Variants in TOP3B observed in about 807,000 individuals in gnomAD.
The protein encoded by TOP3B is DNA topoisomerase III beta.
A neutral mutation model predicts 93.9 loss-of-function variants in TOP3B; 45 were observed. The observed-to-expected ratio is 0.48, with a 90% CI of 0.38 to 0.61. The LOEUF is 0.61. Among genes scored for constraint, TOP3B ranks in the 20% least tolerant of loss-of-function variants. TOP3B has a pLI of 0.00. For missense variants in TOP3B, 750 were observed against 1,156.1 expected (o/e 0.65, Z 5.09); for synonymous variants, 357 against 472.6 (o/e 0.76, Z 3.17).
At chr22:21,981,597 G>A (rs970880980) in intron 1 of TOP3B, among the ~76,000 whole-genome samples, 2 of 152,172 alleles carry the variant, frequency 1.3e-5, no homozygotes, top group African/African-American at 4.8e-5. Flanking sequence ...AGCAGTTCAA[G>A]ACCAGCCTGG....
At chr22:21,972,758 A>G (rs756217734) in intron 3 of TOP3B, 40 bp from the exon 4 acceptor site, 37 of 1,520,790 alleles carry the variant, frequency 2.4e-5, no homozygotes, top group Non-Finnish European at 3.3e-5. Flanking sequence ...ACAGGAGCTC[A>G]GCCTCCGAGA....
chr22:21,977,669 T>C (rs2266980), intron 1 of TOP3B: 18,414 of 151,944 alleles, frequency 0.12, 1,215 homozygotes, highest in African/African-American at 0.14. Context: ...AGACTCAAAG[T>C]CGTTGCACAC....
Position 21,963,821 on chromosome 22 carries a change from G to T in TOP3B, c.1204+102C>A. 8.0e-7 allele frequency: 1 copy of T among 1,242,688 alleles called. No individual in the cohort carries two copies. 77.0% of individuals were successfully genotyped at this position (1,242,688 alleles called of 1,614,324 possible). A position where few individuals can be genotyped will look rare whatever the true frequency, so the allele number is the denominator to read the frequency against. ...ATCCCCACAGCCAGGGCAGGCAGAG[G>T]CTGAAGGAGCCCCCACATTGCCAAC... On this transcript the variant is annotated intron_variant, in intron 11 of 17. Coordinates refer to ENST00000357179, the MANE Select transcript of TOP3B (RefSeq NM_001282112.2). The surrounding 1 kb of genome is among the most constrained non-coding windows in gnomAD (Gnocchi z 4.8).
chr22:21,964,326 CAGG>C lies in TOP3B; in HGVS notation c.944-14_944-12del, dbSNP rs759580163. 2.5e-6 allele frequency: 4 copies of C among 1,612,858 alleles called. No homozygotes were observed. Among genetic ancestry groups the C allele is most frequent in the Admixed American group, 3.3e-5 (2 of 60,020 alleles). On this transcript the variant is annotated splice_polypyrimidine_tract_variant and intron_variant, in intron 9 of 17. Transcript: ENST00000357179. ...GCTGCGGCCCCATGCCTGCGAGAGA[CAGG>C]AGGTTCTCAGAGGGCCAGGTACGTG...
chr22:21,962,918 T>G (rs1407040526), intron 11 of TOP3B, 25 bp from the exon 12 acceptor site: 12 of 1,605,258 alleles, frequency 7.5e-6, no homozygotes, highest in Non-Finnish European at 9.4e-6. Flanking sequence ...GGCTAGTCAG[T>G]TGGGAGCCAG....
intron 8 of TOP3B, 33 bp from the exon 9 acceptor site, chr22:21,965,408 G>A: frequency 6.8e-7 from 1 of 1,463,160 alleles, no homozygotes; most frequent in South Asian, 1.2e-5. Flanking sequence ...ATTTGGGGAA[G>A]GAGGAAGACA....
chr22:21,960,264 T>A lies in TOP3B; in HGVS notation c.1654+57A>T. 3.1e-6 allele frequency: 5 copies of A among 1,610,158 alleles called. No homozygotes were observed. In the South Asian group the frequency reaches 4.4e-5, roughly 14 times the overall value. On this transcript the variant is annotated intron_variant, in intron 14 of 17. Transcript: ENST00000357179. ...TCTGGAGCGGGCAGCAGAGCCAACA[T>A]CCAGGGAGAAGCCAGGGAGCCTCGG... is the stretch of plus-strand genomic sequence containing the variant.
At position 21,965,275 on chromosome 22, in the gene TOP3B, C is replaced by A; in HGVS notation, c.943+10G>T. ...CCTTCTGGTGACTTGAGAGAAATGT[C>A]CCTACATACCCAGAGAAGAGCTGGC... On this transcript the variant is annotated intron_variant, in intron 9 of 17. Transcript: ENST00000357179. 1 of 1,575,482 alleles carries A rather than the reference C, an allele frequency of 6.3e-7. No individual in the cohort carries two copies. The highest frequency in any genetic ancestry group is 8.6e-7 in the Non-Finnish European group (1 of 1,158,812).
Position 21,970,543 on chromosome 22 carries a change from T to C in TOP3B, c.385-137A>G. On this transcript the variant is annotated intron_variant, in intron 5 of 17. Transcript: ENST00000357179. The surrounding 1 kb of genome is among the most constrained non-coding windows in gnomAD (Gnocchi z 4.4). ...CTCTCCTGCCCCTGCCAGACCCTCC[T>C]CTATCCCCTTTCCTGCACCTGCCAG... 1.1e-6 allele frequency: 1 copy of C among 889,164 alleles called. No homozygotes were observed. Among genetic ancestry groups the C allele is most frequent in the Non-Finnish European group, 1.7e-6 (1 of 591,366 alleles). The allele number at this position is 889,164 out of a possible 1,614,324, so 55.1% of individuals were successfully genotyped here.
Position 21,970,965 on chromosome 22 carries a change from G to A in TOP3B, c.385-559C>T, listed in dbSNP as rs2071613373. The stretch of plus-strand genomic sequence containing the variant: ...CGGGCTAAAGCACAGCAGGGGTCCT[G>A]GAGCCGAGACTCACTAGGAAGGCCG... On this transcript the variant is annotated intron_variant, in intron 5 of 17. Transcript: ENST00000357179. The surrounding 1 kb of genome is among the most constrained non-coding windows in gnomAD (Gnocchi z 4.4). The A allele has an allele frequency of 5.7e-6, 7 of 1,227,952 alleles. No individual in the cohort carries two copies. The South Asian group carries it at 6.9e-5, about 12-fold the overall frequency. The allele number at this position is 1,227,952 out of a possible 1,614,324, so 76.1% of individuals were successfully genotyped here. A position where few individuals can be genotyped will look rare whatever the true frequency, so the allele number is the denominator to read the frequency against.
rs1318264074 is a variant in TOP3B at position 21,959,202 on chromosome 22, G to A, written c.1835C>T (p.Ser612Leu). ...GGGCTTGCCTGTGGCCGCCAGGGGC[G>A]AGAAAGACACCTCCATCAACTCATC... ...GMDELMEVSF[S>L]PLAATGKPLS... The change falls in exon 16 of 18, where the codon TCG becomes TTG. Residue 612 changes from serine to leucine, a missense_variant. Transcript: ENST00000357179. 2.5e-6 allele frequency: 4 copies of A among 1,613,408 alleles called. No individual in the cohort carries two copies. Among genetic ancestry groups the A allele is most frequent in the Admixed American group, 3.3e-5 (2 of 60,020 alleles).
intron 9 of TOP3B, 125 bp from the exon 10 acceptor site, chr22:21,964,440 G>T: frequency 8.7e-7 from 1 of 1,153,158 alleles, no homozygotes; most frequent in Non-Finnish European, 1.2e-6. Context: ...GTGGCTCTGA[G>T]CAGGCACAGC....
At chr22:21,982,477 ATT>A (rs1289332646) in intron 1 of TOP3B, 2 of 152,248 alleles carry the variant, frequency 1.3e-5, no homozygotes, top group African/African-American at 4.8e-5. Flanking sequence ...GAAGAAAAGT[ATT>A]AACCACAGCG....
At chr22:21,967,341 T>G (rs539023745) in intron 8 of TOP3B, 7 of 418,250 alleles carry the variant, frequency 1.7e-5, no homozygotes, top group East Asian at 8.6e-5. Context: ...AAGGGGAGAG[T>G]GGAAGGGGTC....
chr22:21,982,376 G>C (rs1300650832), intron 1 of TOP3B: 1 of 152,276 alleles, frequency 6.6e-6, no homozygotes, highest in African/African-American at 2.4e-5. Context: ...TCTGGGCCCC[G>C]GTGGCTGCAC....
chr22:21,958,826 T>C lies in TOP3B; in HGVS notation c.1906-133A>G, dbSNP rs180981892. ...GTGACACACTGCCAGGCAAGGAGCATGAGTCTCTGGCTCTTGCTCCACGCG... is the reference window on the plus strand; with the variant it reads ...GTGACACACTGCCAGGCAAGGAGCACGAGTCTCTGGCTCTTGCTCCACGCG... On this transcript the variant is annotated intron_variant, in intron 16 of 17. Coordinates refer to ENST00000357179, the MANE Select transcript of TOP3B (RefSeq NM_001282112.2). 89 of 1,374,498 alleles carry C rather than the reference T, an allele frequency of 6.5e-5. 1 individual carries two copies. In the Admixed American group the frequency reaches 2.4e-3, roughly 37 times the overall value. 85.1% of individuals were successfully genotyped at this position (1,374,498 alleles called of 1,614,324 possible).
At chr22:21,965,219 C>T (rs112246353) in intron 9 of TOP3B, 66 bp downstream of exon 9, 46,435 of 1,252,344 alleles carry the variant, frequency 0.037, 1,072 homozygotes, top group Middle Eastern at 0.082. Context: ...CCTGGGCACT[C>T]GCTGCTCCAG....
At position 21,959,571 on chromosome 22, in the gene TOP3B, C is replaced by G. The variant is rs375327462; in HGVS notation, c.1804+16G>C. 5.6e-6 allele frequency: 9 copies of G among 1,598,322 alleles called. No individual in the cohort carries two copies. In the African/African-American group the frequency reaches 1.2e-4, roughly 21 times the overall value. On this transcript the variant is annotated intron_variant, in intron 15 of 17. Transcript: ENST00000357179. ...GACACCCCTCTGGTGAGGGGCAGGC[C>G]AGAGGCAGACTCTACCAGCAATGGA...
rs2071634338 is a variant in TOP3B, at chr22:21,971,405, G to T, written c.384+472C>A. The T allele has an allele frequency of 3.2e-6, 1 of 310,036 alleles. No individual in the cohort carries two copies. Among genetic ancestry groups the T allele is most frequent in the African/African-American group, 2.2e-5 (1 of 45,578 alleles). 19.2% of individuals were successfully genotyped at this position (310,036 alleles called of 1,614,324 possible). On this transcript the variant is annotated intron_variant, in intron 5 of 17. Coordinates refer to ENST00000357179, the MANE Select transcript of TOP3B (RefSeq NM_001282112.2). The surrounding 1 kb of genome is among the most constrained non-coding windows in gnomAD (Gnocchi z 4.6). ...TGTGCACAGGGAGCAGCTGCCACCT[G>T]CTTCTCTGCAGGGCTCCCAGGGTTG...
Sources: allele counts gnomAD v4.1 joint callset (sites outside exome capture counted in the v4.1 genomes callset), GRCh38; gene constraint gnomAD v4.1.1; non-coding constraint Gnocchi (gnomAD v3.1); transcripts MANE v1.5; gene names NCBI Gene and HGNC (gene_info 2026-07-23, HGNC 2026-07-21).